IQSEC1: variants seen among roughly 807,000 people sequenced by gnomAD.
IQSEC1 encodes IQ motif and Sec7 domain ArfGEF 1, also known as IQ motif and SEC7 domain-containing protein 1.
IQSEC1 carries 31 observed loss-of-function variants against 91.0 expected under a neutral mutation model. That is an observed-to-expected ratio of 0.34 (90% CI 0.26 to 0.46). The LOEUF (loss-of-function observed/expected upper bound fraction) is 0.46. IQSEC1 is among the 20% of genes least tolerant of loss of function. The probability of loss-of-function intolerance (pLI) is 1.00; values close to 1 mark genes in which losing one functional copy is unlikely to be tolerated. For synonymous variants in IQSEC1, 699 were observed against 662.6 expected, an observed-to-expected ratio of 1.05 and a Z score of -0.84; for missense variants, 1,388 against 1,575.6, an observed-to-expected ratio of 0.88 and a Z score of 2.02.
In IQSEC1 at chr3:13,073,258, C is replaced by T. The variant is rs1211343256; in HGVS notation, c.-244G>A. 2.0e-5 allele frequency: 11 copies of T among 557,110 alleles called. No homozygotes were observed. Among genetic ancestry groups the T allele is most frequent in the East Asian group, 3.1e-5 (1 of 31,962 alleles). 34.5% of individuals were successfully genotyped at this position (557,110 alleles called of 1,614,324 possible). Reference sequence around the variant, plus strand: ...CGCGCGCTCACACCGTGCCCAGGAGCGAGCGAGGACGTCGAGTAACCGTGG... The same window carrying T: ...CGCGCGCTCACACCGTGCCCAGGAGTGAGCGAGGACGTCGAGTAACCGTGG... On this transcript the variant is annotated 5_prime_UTR_variant, in exon 1 of 14. Transcript: ENST00000613206.
chr3:12,978,060 TG>T (rs1365416093), intron 1 of IQSEC1, among the ~76,000 whole-genome samples: 1 of 152,194 alleles, frequency 6.6e-6, no homozygotes, highest in Admixed American at 6.5e-5. Flanking sequence ...GAAACTCGGT[TG>T]GGTAAGGGGA....
In IQSEC1 at chr3:13,277,485, G is replaced by T. The variant is rs547611554; in HGVS notation, c.272+5226C>A. ...TTTCCAGGTTGTAAAATAATAATTT[G>T]CCCAGTCTGTCAGACAGCTGGGAGA... On this transcript the variant is annotated intron_variant, in intron 1 of 15. Coordinates refer to the IQSEC1 transcript ENST00000648114. 7.9e-5 allele frequency among the ~76,000 whole-genome samples: 12 copies of T among 152,308 alleles called. No homozygotes were observed. The South Asian group carries it at 2.5e-3, about 32-fold the overall frequency.
chr3:13,203,790 T>C (rs1252151919), intron 1 of IQSEC1, among the ~76,000 whole-genome samples: 2 of 152,182 alleles, frequency 1.3e-5, no homozygotes, highest in South Asian at 2.1e-4. Context: ...CATGGCCCCA[T>C]GTCCAAGAAT....
chr3:13,071,560 G>T (rs569023080), intron 1 of IQSEC1, among the ~76,000 whole-genome samples: 1 of 152,186 alleles, frequency 6.6e-6, no homozygotes, highest in African/African-American at 2.4e-5. Flanking sequence ...TCCACGCTGG[G>T]AAAGGATTTA....
At chr3:13,061,139 G>A (rs1278328250) in intron 1 of IQSEC1, among the ~76,000 whole-genome samples, 2 of 152,108 alleles carry the variant, frequency 1.3e-5, no homozygotes, top group Non-Finnish European at 2.9e-5. Flanking sequence ...GGAACCCCCT[G>A]TGCAGTTCCT....
chr3:12,927,261 C>CA (rs994704564), intron 3 of IQSEC1, among the ~76,000 whole-genome samples: 6 of 152,292 alleles, frequency 3.9e-5, no homozygotes, highest in Admixed American at 3.9e-4. Context: ...GAAGAGTGCA[C>CA]AAAAAATCTG....
intron 2 of IQSEC1, among the ~76,000 whole-genome samples, chr3:13,149,188 G>A (rs989389544): frequency 1.3e-4 from 20 of 152,336 alleles, no homozygotes; most frequent in African/African-American, 4.3e-4. Flanking sequence ...ATCCCAAAGC[G>A]CAGCTCATCC....
chr3:13,102,823 G>A lies in IQSEC1; in HGVS notation c.303-55301C>T, dbSNP rs146030143. On this transcript the variant is annotated intron_variant, in intron 2 of 15. Coordinates refer to the IQSEC1 transcript ENST00000648114. ...AGGAGGCGGGTACTGAGCACAGCTCGTTCACGGCTGCACCCCTGGTGCTGA... is the reference window on the plus strand; with the variant it reads ...AGGAGGCGGGTACTGAGCACAGCTCATTCACGGCTGCACCCCTGGTGCTGA... Among the ~76,000 whole-genome samples, 312 of 152,250 alleles carry A rather than the reference G, an allele frequency of 2.0e-3. 1 individual carries two copies. Among genetic ancestry groups the A allele is most frequent in the African/African-American group, 7.2e-3 (297 of 41,514 alleles).
intron 1 of IQSEC1, among the ~76,000 whole-genome samples, chr3:12,944,580 C>T (rs77321106): frequency 1.3e-5 from 2 of 152,220 alleles, no homozygotes; most frequent in Non-Finnish European, 2.9e-5. Context: ...CTTTGCAGCC[C>T]GAGGGCACAT....
At chr3:13,112,980 G>A (rs1024688935) in intron 2 of IQSEC1, among the ~76,000 whole-genome samples, 8 of 152,226 alleles carry the variant, frequency 5.3e-5, no homozygotes, top group Admixed American at 6.5e-5. Flanking sequence ...AGCGGCTGGC[G>A]CATCATAAAC....
intron 2 of IQSEC1, among the ~76,000 whole-genome samples, chr3:13,155,991 G>A (rs948519226): frequency 2.0e-5 from 3 of 152,018 alleles, no homozygotes; most frequent in Admixed American, 2.0e-4. Context: ...GGCCAATGCG[G>A]GTGGATTACC....
At chr3:12,965,689 G>C (rs193097143) in intron 1 of IQSEC1, among the ~76,000 whole-genome samples, 26 of 152,356 alleles carry the variant, frequency 1.7e-4, no homozygotes, top group Admixed American at 1.2e-3. Flanking sequence ...GAGATGCCCG[G>C]AGGGACTTCT....
At position 13,252,882 on chromosome 3, in the gene IQSEC1, G is replaced by A. The variant is rs575794323; in HGVS notation, c.272+29829C>T. 1.4e-4 allele frequency among the ~76,000 whole-genome samples: 21 copies of A among 152,186 alleles called. No individual in the cohort carries two copies. In the East Asian group the frequency reaches 2.3e-3, roughly 17 times the overall value. Reference sequence around the variant, plus strand: ...CGAGTAGCTGGGACCACAGGCACCCGCCACCACTCCCGGCCAATTTTTTAT... The same window carrying A: ...CGAGTAGCTGGGACCACAGGCACCCACCACCACTCCCGGCCAATTTTTTAT... On this transcript the variant is annotated intron_variant, in intron 1 of 15. Transcript: ENST00000648114.
rs905380190 is a variant in IQSEC1, at chr3:13,004,405, G to A, written c.24-62540C>T. ...AGATGCAGCTGGGGGCCGGGGGAGC[G>A]CTCTGCAGGAGGGGGAAGCCGATGT... is the stretch of plus-strand genomic sequence containing the variant. On this transcript the variant is annotated intron_variant, in intron 1 of 13. Transcript: ENST00000613206. Among the ~76,000 whole-genome samples the A allele has an allele frequency of 2.6e-5, 4 of 152,260 alleles. No individual in the cohort carries two copies. The East Asian group carries it at 7.7e-4, about 29-fold the overall frequency.
chr3:13,230,301 AT>A (rs1234180917), intron 1 of IQSEC1, among the ~76,000 whole-genome samples: 6 of 84,630 alleles, frequency 7.1e-5, no homozygotes, highest in African/African-American at 1.8e-4. Flanking sequence ...GATGCCTATG[AT>A]TTCCCCTCAA....
intron 2 of IQSEC1, among the ~76,000 whole-genome samples, chr3:13,145,809 G>GA (rs1706884196): frequency 1.5e-5 from 2 of 135,502 alleles, no homozygotes; most frequent in African/African-American, 5.2e-5. Context: ...GGGGGCGGGG[G>GA]GGGGGGGTCC....
intron 2 of IQSEC1, among the ~76,000 whole-genome samples, chr3:13,123,029 T>C (rs557822314): frequency 6.6e-6 from 1 of 152,342 alleles, no homozygotes; most frequent in African/African-American, 2.4e-5. Flanking sequence ...CTGGAATTTA[T>C]GGCTCTCTCT....
At chr3:13,262,221 CG>C (rs1695402434) in intron 1 of IQSEC1, among the ~76,000 whole-genome samples, 1 of 152,186 alleles carries the variant, frequency 6.6e-6, no homozygotes, top group Non-Finnish European at 1.5e-5. Flanking sequence ...TACTATGCAC[CG>C]GGGTCTGTGC....
chr3:13,168,083 G>C (rs1693532187), intron 1 of IQSEC1, among the ~76,000 whole-genome samples: 1 of 152,204 alleles, frequency 6.6e-6, no homozygotes, highest in Non-Finnish European at 1.5e-5. Context: ...TGATGGTCCA[G>C]GTTGTGTTGT....
Sources: allele counts gnomAD v4.1 joint callset (sites outside exome capture counted in the v4.1 genomes callset), GRCh38; gene constraint gnomAD v4.1.1; transcripts MANE v1.5; gene names NCBI Gene and HGNC (gene_info 2026-07-23, HGNC 2026-07-21).